Variants in SLC10A6 observed in about 807,000 individuals in gnomAD.
SLC10A6 encodes solute carrier family 10 member 6.
SLC10A6 carries 27 observed loss-of-function variants against 30.0 expected under a neutral mutation model. The ratio of observed to expected loss-of-function variants is 0.90; its 90% CI spans 0.66 to 1.24. The LOEUF is 1.24. Among genes scored for constraint, SLC10A6 ranks in the 50% most tolerant of loss-of-function variants. The pLI, the probability that SLC10A6 is intolerant of heterozygous loss-of-function variation, is 0.00. For synonymous variants in SLC10A6, 166 were observed against 173.8 expected (o/e 0.95, Z 0.36); for missense variants, 439 against 457.0 (o/e 0.96, Z 0.36).
At chr4:86,824,538 C>A (rs1745942899) in intron 5 of SLC10A6, among the ~76,000 whole-genome samples, 1 of 151,778 alleles carries the variant, frequency 6.6e-6, no homozygotes, top group Non-Finnish European at 1.5e-5. Context: ...TTTACCATGG[C>A]CCAAGATTAA....
rs763384905 is a variant in SLC10A6, at chr4:86,825,404, A to C, written c.919+16T>G. On this transcript the variant is annotated intron_variant, in intron 5 of 5. Coordinates refer to ENST00000273905, the MANE Select transcript of SLC10A6 (RefSeq NM_197965.3). ...TTTCCCGTCAGTTATTTCCTACCCA[A>C]TGGGTGTTCACCCACCTGCAACAAT... 11 of 1,576,946 alleles carry C rather than the reference A, an allele frequency of 7.0e-6. No individual in the cohort carries two copies. The African/African-American group carries it at 1.5e-4, about 21-fold the overall frequency.
chr4:86,842,878 T>TTTCTTTCTTTCTTTC (rs1560461956), intron 1 of SLC10A6, among the ~76,000 whole-genome samples: 20 of 84,714 alleles, frequency 2.4e-4, no homozygotes, highest in Admixed American at 4.9e-4. Context: ...TTCTTTCTTT[T>TTTCTTTCTTTCTTTC]TTTTTTTGAG....
At chr4:86,832,746 G>T (rs1175424691) in intron 2 of SLC10A6, among the ~76,000 whole-genome samples, 1 of 152,098 alleles carries the variant, frequency 6.6e-6, no homozygotes, top group East Asian at 1.9e-4. Flanking sequence ...ATAATATTCA[G>T]AAGAGGAGAT....
chr4:86,847,226 C>T (rs1301937817), intron 1 of SLC10A6, among the ~76,000 whole-genome samples: 3 of 152,194 alleles, frequency 2.0e-5, no homozygotes, highest in South Asian at 2.1e-4. Context: ...AAATTCAGAA[C>T]AATAAAAGGC....
intron 2 of SLC10A6, among the ~76,000 whole-genome samples, chr4:86,832,909 G>C (rs143447489): frequency 3.0e-4 from 46 of 152,272 alleles, no homozygotes; most frequent in African/African-American, 1.1e-3. Context: ...ACTAGATCCA[G>C]TTAAACCTTG....
intron 1 of SLC10A6, among the ~76,000 whole-genome samples, chr4:86,837,880 C>A (rs1411896862): frequency 6.6e-6 from 1 of 152,194 alleles, no homozygotes; most frequent in Non-Finnish European, 1.5e-5. Context: ...AGACTGCCCT[C>A]CTGCTCTACA....
intron 3 of SLC10A6, among the ~76,000 whole-genome samples, chr4:86,831,118 G>A (rs1307062745): frequency 2.0e-5 from 3 of 152,126 alleles, no homozygotes; most frequent in Admixed American, 6.5e-5. Flanking sequence ...GATTACAGAT[G>A]TGAGCCACTG....
chr4:86,845,479 T>C (rs1010776805), intron 1 of SLC10A6, among the ~76,000 whole-genome samples: 2 of 152,154 alleles, frequency 1.3e-5, no homozygotes, highest in Non-Finnish European at 2.9e-5. Context: ...GTTCGTTTTC[T>C]CCTAACAGTA....
chr4:86,826,471 C>G (rs906112653), intron 4 of SLC10A6, among the ~76,000 whole-genome samples: 1 of 151,986 alleles, frequency 6.6e-6, no homozygotes, highest in Non-Finnish European at 1.5e-5. Context: ...ATCCCAGCTA[C>G]TCGGGAGGCT....
intron 1 of SLC10A6, among the ~76,000 whole-genome samples, chr4:86,833,661 C>T (rs1461784449): frequency 6.6e-6 from 1 of 152,094 alleles, no homozygotes; most frequent in Non-Finnish European, 1.5e-5. Context: ...ATCTACTTGC[C>T]TTAAAATTCT....
intron 1 of SLC10A6, among the ~76,000 whole-genome samples, chr4:86,844,402 C>G (rs563343269): frequency 2.6e-5 from 4 of 152,190 alleles, no homozygotes; most frequent in Admixed American, 2.6e-4. Flanking sequence ...AAAAAATGCC[C>G]CCTATTCTTC....
chr4:86,833,396 C>A lies in SLC10A6; in HGVS notation c.406G>T (p.Ala136Ser). ...CAGAGTGGCATCATTCCCAGGGCGG[C>A]CACGGTGGAACAGGTTGTCATACTG... ...SISMTTCSTV[A>S]ALGMMPLCIY... is the part of the protein sequence containing the mutation. Residue 136 changes from alanine (A) to serine (S), a missense_variant, in exon 2 of 6, where the codon GCC (alanine) becomes TCC (serine). Coordinates refer to ENST00000273905, the MANE Select transcript of SLC10A6 (RefSeq NM_197965.3). The A allele has an allele frequency of 6.2e-7, 1 of 1,613,874 alleles. No individual in the cohort carries two copies. Among genetic ancestry groups the A allele is most frequent in the Admixed American group, 1.7e-5 (1 of 60,012 alleles).
chr4:86,844,060 C>A (rs1227501277), intron 1 of SLC10A6, among the ~76,000 whole-genome samples: 1 of 152,064 alleles, frequency 6.6e-6, no homozygotes, highest in Non-Finnish European at 1.5e-5. Context: ...CGCCTGTAGT[C>A]CCAGCTACTC....
intron 2 of SLC10A6, among the ~76,000 whole-genome samples, chr4:86,832,409 A>G (rs2149411354): frequency 6.6e-6 from 1 of 152,222 alleles, no homozygotes; most frequent in Middle Eastern, 3.4e-3. Flanking sequence ...GTTTGAGACC[A>G]GCCTGGGCAA....
chr4:86,848,755 C>T lies in SLC10A6; in HGVS notation c.361G>A (p.Gly121Arg). Residue 121 changes from glycine to arginine, a missense_variant, in exon 1 of 6, where the codon GGA (glycine) becomes AGA (arginine). Transcript: ENST00000273905. ...GTTACTTACCTGAGATCCATATCTC[C>T]ATCAACCCAGAAGGTGAAAATGTTA... Reference protein sequence around the residue: ...ISNIFTFWVDGDMDLSISMTT... With the variant: ...ISNIFTFWVDRDMDLSISMTT... The T allele has an allele frequency of 1.3e-6, 2 of 1,592,396 alleles. No individual in the cohort carries two copies. Among genetic ancestry groups the T allele is most frequent in the Non-Finnish European group, 1.7e-6 (2 of 1,169,598 alleles).
intron 5 of SLC10A6, among the ~76,000 whole-genome samples, chr4:86,825,068 CAA>C (rs1156549273): frequency 1.3e-5 from 2 of 152,164 alleles, no homozygotes; most frequent in African/African-American, 4.8e-5. Context: ...TGAGACCTAA[CAA>C]ATCAACGCTT....
chr4:86,843,625 C>T (rs779628668), intron 1 of SLC10A6, among the ~76,000 whole-genome samples: 1 of 151,966 alleles, frequency 6.6e-6, no homozygotes, highest in Non-Finnish European at 1.5e-5. Flanking sequence ...TTCAATTGTC[C>T]GTTGATGGAT....
At chr4:86,843,860 A>G (rs2149413913) in intron 1 of SLC10A6, among the ~76,000 whole-genome samples, 1 of 152,184 alleles carries the variant, frequency 6.6e-6, no homozygotes, top group African/African-American at 2.4e-5. Context: ...ACAGCTCACG[A>G]TGTAGGAATG....
chr4:86,832,792 A>ATGAGT (rs926753550), intron 2 of SLC10A6, among the ~76,000 whole-genome samples: 7 of 152,196 alleles, frequency 4.6e-5, no homozygotes, highest in Non-Finnish European at 8.8e-5. Context: ...TGACATGTAG[A>ATGAGT]TGAGTTTTCA....
Sources: allele counts gnomAD v4.1 joint callset (sites outside exome capture counted in the v4.1 genomes callset), GRCh38; gene constraint gnomAD v4.1.1; transcripts MANE v1.5; gene names NCBI Gene and HGNC (gene_info 2026-07-23, HGNC 2026-07-21).